PPP1R14C: variants seen among roughly 807,000 people sequenced by gnomAD.
PPP1R14C encodes protein phosphatase 1 regulatory inhibitor subunit 14C.
A neutral mutation model predicts 20.4 loss-of-function variants in PPP1R14C; 16 were observed. The observed-to-expected ratio is 0.78, with a 90% CI of 0.53 to 1.19. PPP1R14C has a LOEUF of 1.19. Among genes scored for constraint, PPP1R14C ranks in the 50% most tolerant of loss-of-function variants. The pLI is 0.00. For missense variants in PPP1R14C, 211 were observed against 220.1 expected, an observed-to-expected ratio of 0.96 and a Z score of 0.26; for synonymous variants, 91 against 91.0, an observed-to-expected ratio of 1.00 and a Z score of 0.00.
intron 1 of PPP1R14C, among the ~76,000 whole-genome samples, chr6:150,173,749 G>A (rs997975774): frequency 1.3e-5 from 2 of 152,068 alleles, no homozygotes; most frequent in African/African-American, 2.4e-5. Context: ...ATGGAGGCCC[G>A]CAGAGGCTTA....
intron 1 of PPP1R14C, among the ~76,000 whole-genome samples, chr6:150,202,721 C>A (rs185068806): frequency 6.6e-6 from 1 of 152,200 alleles, no homozygotes; most frequent in South Asian, 2.1e-4. Flanking sequence ...TGACTCACAC[C>A]TGGACCTTTT....
intron 1 of PPP1R14C, among the ~76,000 whole-genome samples, chr6:150,154,241 A>G (rs77698474): frequency 1.0e-3 from 158 of 152,312 alleles, no homozygotes; most frequent in African/African-American, 3.7e-3. Flanking sequence ...AGAGAAAGTA[A>G]TCTCTTAAGG....
At chr6:150,199,038 G>A (rs1208083293) in intron 1 of PPP1R14C, among the ~76,000 whole-genome samples, 1 of 151,710 alleles carries the variant, frequency 6.6e-6, no homozygotes, top group Non-Finnish European at 1.5e-5. Flanking sequence ...TAATGGAATG[G>A]CATCCTTTAC....
At chr6:150,225,560 G>C (rs1258266796) in intron 3 of PPP1R14C, among the ~76,000 whole-genome samples, 1 of 152,190 alleles carries the variant, frequency 6.6e-6, no homozygotes, top group African/African-American at 2.4e-5. Context: ...GATCTAAAAA[G>C]AGTTGTGGAT....
chr6:150,211,058 G>T (rs972210948), intron 1 of PPP1R14C, among the ~76,000 whole-genome samples: 1 of 152,120 alleles, frequency 6.6e-6, no homozygotes, highest in Non-Finnish European at 1.5e-5. Flanking sequence ...CTGTCATTCC[G>T]CAAGGTCAGT....
At chr6:150,210,288 CCTT>C (rs917086048) in intron 1 of PPP1R14C, among the ~76,000 whole-genome samples, 1 of 152,186 alleles carries the variant, frequency 6.6e-6, no homozygotes, top group African/African-American at 2.4e-5. Flanking sequence ...TCATTACTGT[CCTT>C]CTCCAAAACC....
chr6:150,194,969 G>T (rs9384232), intron 1 of PPP1R14C: 22,717 of 985,214 alleles, frequency 0.023, 1,088 homozygotes, highest in African/African-American at 0.18. Context: ...AAAGGCAAAA[G>T]TTATAAAAAG....
intron 1 of PPP1R14C, among the ~76,000 whole-genome samples, chr6:150,176,182 G>A (rs1562261957): frequency 1.3e-5 from 2 of 152,336 alleles, no homozygotes; most frequent in East Asian, 3.9e-4. Flanking sequence ...GGAGTGTGGG[G>A]CATTGCAGTA....
intron 2 of PPP1R14C, among the ~76,000 whole-genome samples, chr6:150,215,612 T>C (rs1044092745): frequency 2.0e-5 from 3 of 152,240 alleles, no homozygotes; most frequent in African/African-American, 7.2e-5. Flanking sequence ...CCTTGAGTGG[T>C]GAACAGTCTC....
rs2114845263 is a variant in PPP1R14C at position 150,143,916 on chromosome 6, G to A, written c.306+418G>A. 6.6e-6 allele frequency among the ~76,000 whole-genome samples: 1 copy of A among 152,328 alleles called. No homozygotes were observed. The highest frequency in any genetic ancestry group is 1.9e-4 in the East Asian group (1 of 5,160). ...AGCAGCGCTCACTGCTGGGATCCGG[G>A]CAGCCCTGATTTTTGTGGAGAACGA... On this transcript the variant is annotated intron_variant, in intron 1 of 3. Coordinates refer to ENST00000361131, the MANE Select transcript of PPP1R14C (RefSeq NM_030949.3). The surrounding 1 kb of genome is among the most constrained non-coding windows in gnomAD (Gnocchi z 5.6).
At chr6:150,207,511 C>T (rs994711023) in intron 1 of PPP1R14C, among the ~76,000 whole-genome samples, 2 of 152,232 alleles carry the variant, frequency 1.3e-5, no homozygotes, top group African/African-American at 4.8e-5. Flanking sequence ...TCCCATGTAC[C>T]TTCCTCAATC....
intron 1 of PPP1R14C, among the ~76,000 whole-genome samples, chr6:150,197,431 G>C (rs1394323922): frequency 2.0e-5 from 3 of 152,250 alleles, no homozygotes; most frequent in African/African-American, 7.2e-5. Context: ...CTTGCATGGA[G>C]AGGTAAGAAA....
chr6:150,236,070 C>T (rs543158520), intron 3 of PPP1R14C, among the ~76,000 whole-genome samples: 65 of 152,262 alleles, frequency 4.3e-4, no homozygotes, highest in African/African-American at 1.6e-3. Flanking sequence ...GGAATTGTGC[C>T]CTCCACCCCA....
At chr6:150,173,766 T>C (rs1264514601) in intron 1 of PPP1R14C, among the ~76,000 whole-genome samples, 2 of 152,182 alleles carry the variant, frequency 1.3e-5, no homozygotes, top group Admixed American at 6.5e-5. Flanking sequence ...CTTATGGAAC[T>C]GGCCCATGGT....
At chr6:150,150,464 CT>C in intron 1 of PPP1R14C, among the ~76,000 whole-genome samples, 1 of 152,136 alleles carries the variant, frequency 6.6e-6, no homozygotes, top group East Asian at 1.9e-4. Context: ...CTTTTGCTGT[CT>C]TCTGTTTGTC....
intron 1 of PPP1R14C, among the ~76,000 whole-genome samples, chr6:150,170,461 A>G (rs896008321): frequency 1.3e-5 from 2 of 151,996 alleles, no homozygotes; most frequent in African/African-American, 4.8e-5. Context: ...TAGCTGGACT[A>G]CAGGCGACTG....
At chr6:150,222,464 C>T (rs1056978251) in intron 3 of PPP1R14C, among the ~76,000 whole-genome samples, 11 of 152,044 alleles carry the variant, frequency 7.2e-5, no homozygotes, top group Admixed American at 3.9e-4. Context: ...CATTATCGCC[C>T]GAAGTCCACG....
intron 1 of PPP1R14C, among the ~76,000 whole-genome samples, chr6:150,168,533 C>CAAAAA (rs1175562312): frequency 4.3e-4 from 64 of 149,006 alleles, no homozygotes; most frequent in Admixed American, 6.7e-4. Flanking sequence ...ACTCCCGTCT[C>CAAAAA]AACAAAACAA....
intron 1 of PPP1R14C, among the ~76,000 whole-genome samples, chr6:150,166,432 G>C (rs1286543863): frequency 2.6e-5 from 4 of 152,134 alleles, no homozygotes; most frequent in African/African-American, 7.2e-5. Context: ...AGCCCTAGAG[G>C]CTTCTCCCAT....
Sources: allele counts gnomAD v4.1 joint callset (sites outside exome capture counted in the v4.1 genomes callset), GRCh38; gene constraint gnomAD v4.1.1; non-coding constraint Gnocchi (gnomAD v3.1); transcripts MANE v1.5; gene names NCBI Gene and HGNC (gene_info 2026-07-23, HGNC 2026-07-21).